The following NDUFAF7 variants were observed in gnomAD, a reference collection of about 807,000 sequenced individuals.
NDUFAF7 encodes NADH:ubiquinone oxidoreductase complex assembly factor 7, also known as protein arginine methyltransferase NDUFAF7, mitochondrial.
In NDUFAF7, 48 loss-of-function variants were observed where a neutral mutation model predicts 47.2. The ratio of observed to expected loss-of-function variants is 1.02; its 90% confidence interval spans 0.81 to 1.29. The LOEUF (loss-of-function observed/expected upper bound fraction) is 1.29, where lower values mean the gene tolerates loss of function less well. Among genes scored for constraint, NDUFAF7 ranks in the 50% most tolerant of loss-of-function variants. The pLI, the probability that NDUFAF7 is intolerant of heterozygous loss-of-function variation, is 0.00. For missense variants in NDUFAF7, 635 were observed against 537.6 expected (o/e 1.18, Z -1.79); for synonymous variants, 217 against 190.0 (o/e 1.14, Z -1.17).
At chr2:37,237,684 G>C in intron 3 of NDUFAF7, 73 bp from the exon 4 acceptor site, 1 of 1,216,782 alleles carries the variant, frequency 8.2e-7, no homozygotes, top group Non-Finnish European at 1.2e-6. Flanking sequence ...ATATTTATGT[G>C]AAATTTTATA....
At chr2:37,260,210 G>T in the NDUFAF7 span, 1 of 1,557,316 alleles carries the variant, frequency 6.4e-7, no homozygotes, top group Non-Finnish European at 8.7e-7. Context: ...AAAAAAAAAA[G>T]GAGTTAAAAT....
chr2:37,260,235 G>T, the NDUFAF7 span: 2 of 1,607,456 alleles, frequency 1.2e-6, no homozygotes, highest in East Asian at 4.5e-5. Flanking sequence ...GTGTGACCAT[G>T]AATTTAGTAA....
At chr2:37,239,772 T>G (rs1480275116) in intron 4 of NDUFAF7, among the ~76,000 whole-genome samples, 2 of 152,192 alleles carry the variant, frequency 1.3e-5, no homozygotes, top group Admixed American at 6.5e-5. Flanking sequence ...TGTATTTATA[T>G]AAAATCCAAA....
downstream of NDUFAF7, chr2:37,250,771 A>G (rs9318): frequency 0.15 from 22,699 of 150,988 alleles, 1,841 homozygotes; most frequent in South Asian, 0.27. Context: ...GTTGGATATA[A>G]CCAAAAAAAT....
chr2:37,253,107 A>G (rs563387887), downstream of NDUFAF7: 154 of 1,449,518 alleles, frequency 1.1e-4, no homozygotes, highest in South Asian at 1.9e-3. Flanking sequence ...ACAATCTACA[A>G]AGAACAAGTT....
the NDUFAF7 span, among the ~76,000 whole-genome samples, chr2:37,260,840 TATA>T: frequency 6.6e-6 from 1 of 152,228 alleles, no homozygotes. Context: ...CTTATAATAT[TATA>T]ATCATTAATT....
At chr2:37,253,442 G>C (rs1572593930), downstream of NDUFAF7, 12 of 1,086,878 alleles carry the variant, frequency 1.1e-5, no homozygotes, top group East Asian at 1.5e-4. Context: ...TTGTTGTTTA[G>C]TGCCCTAGTC....
chr2:37,237,827 T>G lies in NDUFAF7; in HGVS notation c.368T>G (p.Leu123Arg). The change falls in exon 4 of 10, where the codon CTG becomes CGG. Residue 123 changes from leucine (L) to arginine (R), a missense_variant. Transcript: ENST00000002125. ...AGCACAGCTTTCCAGCTGGTGGAAC[T>G]GGGCCCAGGTAGGGGAACCCTCGTG... ...GKSTAFQLVE[L>R]GPGRGTLVGD... The G allele has an allele frequency of 6.2e-7, 1 of 1,613,808 alleles. No individual in the cohort carries two copies. The highest frequency in any genetic ancestry group is 8.5e-7 in the Non-Finnish European group (1 of 1,179,726).
the NDUFAF7 span, chr2:37,260,409 G>T: frequency 6.3e-7 from 1 of 1,587,162 alleles, no homozygotes; most frequent in African/African-American, 1.3e-5. Flanking sequence ...CAAGATACAT[G>T]AGCAACTTAA....
intron 7 of NDUFAF7, 141 bp from the exon 8 acceptor site, chr2:37,245,906 AAAGTT>A (rs1666848652): frequency 8.2e-6 from 7 of 857,076 alleles, no homozygotes; most frequent in Non-Finnish European, 1.1e-5. Context: ...AGTCAGGTGA[AAAGTT>A]GAGTGTAGAG....
intron 7 of NDUFAF7, 79 bp downstream of exon 7, chr2:37,244,052 GT>G: frequency 8.2e-7 from 1 of 1,222,436 alleles, no homozygotes; most frequent in Non-Finnish European, 1.2e-6. Flanking sequence ...CTACTTTAGA[GT>G]TTTAGAGTTC....
chr2:37,231,948 T>C, intron 1 of NDUFAF7, 158 bp from the exon 2 acceptor site: 2 of 1,594,644 alleles, frequency 1.3e-6, no homozygotes, highest in Non-Finnish European at 1.7e-6. Context: ...AAGTGGGTGC[T>C]GTCTCTGCGC....
Position 37,241,646 on chromosome 2 carries a change from A to G in NDUFAF7, c.477A>G (p.Gln159=). ...DISVHLVEVS[Q]KLSEIQALTL... ...CAGTACATCTGGTAGAGGTAAGCCA[A>G]AAATTAAGTGAGATTCAAGCATTGA... Residue 159 remains glutamine (Q), a synonymous_variant, in exon 5 of 10, where the codon CAA becomes CAG. Coordinates refer to ENST00000002125, the MANE Select transcript of NDUFAF7 (RefSeq NM_144736.5). The G allele has an allele frequency of 1.2e-6, 2 of 1,614,090 alleles. No individual in the cohort carries two copies. The highest frequency in any genetic ancestry group is 1.7e-6 in the Non-Finnish European group (2 of 1,180,016).
chr2:37,242,612 A>C (rs1666469506), intron 5 of NDUFAF7, 23 bp from the exon 6 acceptor site: 2 of 1,539,226 alleles, frequency 1.3e-6, no homozygotes, highest in East Asian at 4.5e-5. Flanking sequence ...GGAAACATTA[A>C]TTGTTTTCCT....
chr2:37,264,172 G>C, the NDUFAF7 span, among the ~76,000 whole-genome samples: 11 of 152,224 alleles, frequency 7.2e-5, no homozygotes, highest in African/African-American at 2.6e-4. Context: ...AGTTTATGTA[G>C]GCATGGCTCT....
chr2:37,264,070 C>G, the NDUFAF7 span, among the ~76,000 whole-genome samples: 5,210 of 152,252 alleles, frequency 0.034, 305 homozygotes, highest in African/African-American at 0.12. Flanking sequence ...AAACATTTTA[C>G]ATTACCACAT....
the NDUFAF7 span, chr2:37,269,476 T>C: frequency 2.9e-6 from 2 of 688,276 alleles, no homozygotes; most frequent in Non-Finnish European, 5.1e-6. Flanking sequence ...GAGAAGGATT[T>C]AGCTGAAAGA....
the NDUFAF7 span, among the ~76,000 whole-genome samples, chr2:37,260,885 A>G: frequency 6.6e-6 from 1 of 152,186 alleles, no homozygotes; most frequent in Admixed American, 6.5e-5. Context: ...CTCTACCCAC[A>G]TTATCATGTT....
At chr2:37,234,287 T>C (rs537417061) in intron 2 of NDUFAF7, among the ~76,000 whole-genome samples, 1 of 152,276 alleles carries the variant, frequency 6.6e-6, no homozygotes, top group South Asian at 2.1e-4. Context: ...AGATCGGGTT[T>C]TGCCTTGTTG....
Sources: allele counts gnomAD v4.1 joint callset (sites outside exome capture counted in the v4.1 genomes callset), GRCh38; gene constraint gnomAD v4.1.1; transcripts MANE v1.5; gene names NCBI Gene and HGNC (gene_info 2026-07-23, HGNC 2026-07-21).